BTBD9: variants seen among roughly 807,000 people sequenced by gnomAD.
BTBD9 encodes the protein BTB/POZ domain-containing protein 9.
In BTBD9, 49 loss-of-function variants were observed where a neutral mutation model predicts 64.3. That is an observed-to-expected ratio of 0.76 (90% CI 0.61 to 0.97). The LOEUF is 0.97. BTBD9 is among the 50% of genes least tolerant of loss of function. The pLI, the probability that BTBD9 is intolerant of heterozygous loss-of-function variation, is 0.00. For missense variants in BTBD9, 598 were observed against 762.1 expected (o/e 0.78, Z 2.53); for synonymous variants, 260 against 274.7 (o/e 0.95, Z 0.53).
At chr6:38,345,937 C>A (rs1303005248) in intron 6 of BTBD9, among the ~76,000 whole-genome samples, 1 of 152,250 alleles carries the variant, frequency 6.6e-6, no homozygotes, top group Non-Finnish European at 1.5e-5. Context: ...TGAACAAACT[C>A]ATTCTTCTGA....
At chr6:38,438,259 G>GA in intron 6 of BTBD9, among the ~76,000 whole-genome samples, 1 of 150,634 alleles carries the variant, frequency 6.6e-6, no homozygotes. Flanking sequence ...AGGAAGGAAG[G>GA]AAGGAACAGA....
chr6:38,465,476 A>C (rs1770307242), intron 6 of BTBD9, among the ~76,000 whole-genome samples: 1 of 140,540 alleles, frequency 7.1e-6, no homozygotes, highest in Non-Finnish European at 1.5e-5. Context: ...AAAAAAAAAA[A>C]AAAAATTAGC....
intron 10 of BTBD9, among the ~76,000 whole-genome samples, chr6:38,176,370 A>G (rs1761248269): frequency 6.6e-6 from 1 of 152,058 alleles, no homozygotes; most frequent in Non-Finnish European, 1.5e-5. Flanking sequence ...ACTGTTTTAA[A>G]TTTCACATTT....
chr6:38,305,702 T>C (rs985392765), intron 7 of BTBD9, among the ~76,000 whole-genome samples: 1 of 152,126 alleles, frequency 6.6e-6, no homozygotes, highest in African/African-American at 2.4e-5. Flanking sequence ...CAGGCTGGTC[T>C]CGAACTTGTG....
At chr6:38,543,220 C>A (rs1374465276) in intron 6 of BTBD9, among the ~76,000 whole-genome samples, 1 of 146,988 alleles carries the variant, frequency 6.8e-6, no homozygotes, top group Non-Finnish European at 1.5e-5. Flanking sequence ...CTAAAAAGGT[C>A]TCCTCTGACC....
intron 8 of BTBD9, among the ~76,000 whole-genome samples, chr6:38,266,625 AG>A: frequency 1.6e-5 from 1 of 62,530 alleles, no homozygotes; most frequent in East Asian, 2.8e-4. Flanking sequence ...AAAGAAAGAA[AG>A]AAAGAAAGAA....
In BTBD9 at chr6:38,433,633, C is replaced by T. The variant is rs368502383; in HGVS notation, c.1155-88540G>A. 4.4e-4 allele frequency among the ~76,000 whole-genome samples: 67 copies of T among 152,064 alleles called. No homozygotes were observed. In the East Asian group the frequency reaches 0.01, roughly 23 times the overall value. ...CCCCACCCCTATCTCCCTTTGCTGACTCCTTTTTTGGACTCAGCCCGCCTG... is the reference window on the plus strand; with the variant it reads ...CCCCACCCCTATCTCCCTTTGCTGATTCCTTTTTTGGACTCAGCCCGCCTG... On this transcript the variant is annotated intron_variant, in intron 6 of 10. Transcript: ENST00000481247.
intron 6 of BTBD9, among the ~76,000 whole-genome samples, chr6:38,431,896 G>T (rs1409627542): frequency 6.6e-6 from 1 of 151,912 alleles, no homozygotes; most frequent in Non-Finnish European, 1.5e-5. Context: ...ATGGCCTACA[G>T]GGGTCTTGCT....
chr6:38,298,619 T>G (rs527948907), intron 7 of BTBD9, among the ~76,000 whole-genome samples: 10 of 152,146 alleles, frequency 6.6e-5, no homozygotes, highest in Non-Finnish European at 1.3e-4. Context: ...AACTGTATAT[T>G]TGTACCCTTT....
intron 4 of BTBD9, 115 bp from the exon 5 acceptor site, chr6:38,580,552 C>T (rs1283528227): frequency 2.3e-6 from 2 of 857,204 alleles, no homozygotes; most frequent in Admixed American, 2.5e-5. Flanking sequence ...TTAAGAACAG[C>T]ATAGACAAGT....
chr6:38,589,324 G>T (rs1359157298), intron 4 of BTBD9, among the ~76,000 whole-genome samples: 2 of 152,142 alleles, frequency 1.3e-5, no homozygotes, highest in African/African-American at 4.8e-5. Flanking sequence ...CATGTGAAAT[G>T]TCCAAAACAA....
intron 7 of BTBD9, among the ~76,000 whole-genome samples, chr6:38,339,654 GAAA>G (rs980344549): frequency 6.6e-6 from 1 of 151,910 alleles, no homozygotes; most frequent in Non-Finnish European, 1.5e-5. Context: ...ACTAAAGGAG[GAAA>G]AAAAGAGATT....
At chr6:38,178,815 G>A (rs1194387779) in intron 10 of BTBD9, among the ~76,000 whole-genome samples, 2 of 152,154 alleles carry the variant, frequency 1.3e-5, no homozygotes, top group African/African-American at 4.8e-5. Context: ...AAGCTGGGCA[G>A]GGATCCTGAT....
intron 7 of BTBD9, among the ~76,000 whole-genome samples, chr6:38,300,948 G>A (rs1762371180): frequency 6.6e-6 from 1 of 152,190 alleles, no homozygotes; most frequent in African/African-American, 2.4e-5. Flanking sequence ...AGTTTTCAAA[G>A]GGAATGCTTC....
intron 7 of BTBD9, among the ~76,000 whole-genome samples, chr6:38,336,110 G>T (rs1387223570): frequency 1.3e-5 from 2 of 152,142 alleles, no homozygotes; most frequent in African/African-American, 4.8e-5. Context: ...ACTAAGCTGA[G>T]AACCCTAGAA....
intron 8 of BTBD9, among the ~76,000 whole-genome samples, chr6:38,275,610 G>A (rs760090600): frequency 2.0e-5 from 3 of 151,302 alleles, no homozygotes; most frequent in East Asian, 3.9e-4. Context: ...CTGACAAAGG[G>A]CTAATATCCA....
chr6:38,329,779 C>T (rs1371341863), intron 7 of BTBD9, among the ~76,000 whole-genome samples: 1 of 152,012 alleles, frequency 6.6e-6, no homozygotes, highest in African/African-American at 2.4e-5. Context: ...ACAGGCAAAA[C>T]TCCCTCTACT....
intron 6 of BTBD9, among the ~76,000 whole-genome samples, chr6:38,564,652 G>C (rs1775403546): frequency 6.6e-6 from 1 of 152,092 alleles, no homozygotes. Flanking sequence ...ACTTTGGGAG[G>C]CCAAGGTGGG....
intron 9 of BTBD9, among the ~76,000 whole-genome samples, chr6:38,209,891 G>A (rs4299828): frequency 0.79 from 119,655 of 152,174 alleles, 47,197 homozygotes; most frequent in East Asian, 0.92. Context: ...CTGCTCTAAC[G>A]TAAGCCAATC....
Sources: gnomAD v4.1 joint callset for allele counts (sites outside exome capture counted in the v4.1 genomes callset) on GRCh38, gnomAD v4.1.1 for gene constraint, MANE v1.5 for transcripts, NCBI Gene and HGNC (gene_info 2026-07-23, HGNC 2026-07-21) for gene names.